The following SSBP2 variants were observed in gnomAD, a reference collection of about 807,000 sequenced individuals.
The protein encoded by SSBP2 is single-stranded DNA-binding protein 2.
In SSBP2, 17 loss-of-function variants were observed where a neutral mutation model predicts 61.8. The observed-to-expected ratio is 0.28, with a 90% confidence interval of 0.19 to 0.41. SSBP2 has a LOEUF of 0.41. Among genes scored for constraint, SSBP2 ranks in the 10% least tolerant of loss-of-function variants. The pLI is 1.00. For missense variants in SSBP2, 310 were observed against 458.7 expected (o/e 0.68, Z 2.96); for synonymous variants, 139 against 141.3 (o/e 0.98, Z 0.12).
At chr5:81,460,468 A>G (rs1462762496) in intron 10 of SSBP2, among the ~76,000 whole-genome samples, 1 of 152,228 alleles carries the variant, frequency 6.6e-6, no homozygotes, top group African/African-American at 2.4e-5. Context: ...TTTCTGTGAC[A>G]TTATTAAGAG....
chr5:81,705,847 G>T (rs536256224), intron 1 of SSBP2, among the ~76,000 whole-genome samples: 32 of 152,296 alleles, frequency 2.1e-4, no homozygotes, highest in African/African-American at 7.2e-4. Context: ...AAAAGCAACA[G>T]ATGCTGGCAA....
chr5:81,530,881 G>T (rs560381988), intron 4 of SSBP2, among the ~76,000 whole-genome samples: 4 of 151,962 alleles, frequency 2.6e-5, no homozygotes, highest in Admixed American at 2.6e-4. Context: ...ATTCAAAAAA[G>T]AATTTTGAGG....
intron 1 of SSBP2, among the ~76,000 whole-genome samples, chr5:81,717,713 C>T (rs1755254328): frequency 6.6e-6 from 1 of 152,070 alleles, no homozygotes; most frequent in Non-Finnish European, 1.5e-5. Context: ...TTCTATTAAC[C>T]TTTTTTGCTG....
At chr5:81,447,892 C>T (rs1763505145) in intron 11 of SSBP2, 1 of 152,054 alleles carries the variant, frequency 6.6e-6, no homozygotes, top group South Asian at 2.1e-4. Context: ...GAAAGACTTG[C>T]TTAGTTTTAT....
At chr5:81,593,242 T>C (rs1205695079) in intron 4 of SSBP2, among the ~76,000 whole-genome samples, 1 of 151,896 alleles carries the variant, frequency 6.6e-6, no homozygotes, top group South Asian at 2.1e-4. Context: ...AGGGTATCAG[T>C]GATGGAAGAC....
At chr5:81,603,460 C>A (rs766350060) in intron 4 of SSBP2, among the ~76,000 whole-genome samples, 4 of 152,192 alleles carry the variant, frequency 2.6e-5, no homozygotes, top group Non-Finnish European at 5.9e-5. Context: ...ATCACTTCCA[C>A]TCCATTCTAT....
chr5:81,553,637 A>G (rs1316719597), intron 4 of SSBP2, among the ~76,000 whole-genome samples: 1 of 152,154 alleles, frequency 6.6e-6, no homozygotes, highest in Non-Finnish European at 1.5e-5. Context: ...CAAAATATAC[A>G]TATTGCTTCA....
At chr5:81,678,079 C>A (rs1197256517) in intron 1 of SSBP2, among the ~76,000 whole-genome samples, 2 of 152,122 alleles carry the variant, frequency 1.3e-5, no homozygotes, top group Non-Finnish European at 2.9e-5. Context: ...GAACCAGGGT[C>A]TGATATGGCA....
At chr5:81,702,138 C>T (rs1213952706) in intron 1 of SSBP2, among the ~76,000 whole-genome samples, 2 of 151,980 alleles carry the variant, frequency 1.3e-5, no homozygotes, top group East Asian at 1.9e-4. Context: ...TTTGGGAGGC[C>T]GAGGCGGGTA....
chr5:81,629,115 T>C (rs2078306918), intron 3 of SSBP2, among the ~76,000 whole-genome samples: 1 of 152,182 alleles, frequency 6.6e-6, no homozygotes, highest in African/African-American at 2.4e-5. Flanking sequence ...GCCTCCCAAG[T>C]AGCTGGGATT....
At chr5:81,613,980 C>G (rs1745724715) in intron 4 of SSBP2, among the ~76,000 whole-genome samples, 1 of 152,194 alleles carries the variant, frequency 6.6e-6, no homozygotes, top group African/African-American at 2.4e-5. Context: ...AGCTATTGTT[C>G]AGTGTGTAAC....
intron 1 of SSBP2, among the ~76,000 whole-genome samples, chr5:81,652,068 G>C (rs1377740253): frequency 2.0e-5 from 3 of 152,072 alleles, no homozygotes; most frequent in Admixed American, 6.6e-5. Flanking sequence ...CCACACCTAA[G>C]TAAAAGGCTG....
intron 1 of SSBP2, among the ~76,000 whole-genome samples, chr5:81,749,268 A>C (rs1342436287): frequency 6.6e-6 from 1 of 152,158 alleles, no homozygotes; most frequent in Non-Finnish European, 1.5e-5. Flanking sequence ...AGCTCAGAAA[A>C]TATCTCTTGC....
chr5:81,496,678 T>C (rs1238704730), intron 5 of SSBP2, among the ~76,000 whole-genome samples: 1 of 152,144 alleles, frequency 6.6e-6, no homozygotes, highest in African/African-American at 2.4e-5. Context: ...AATATGCCTT[T>C]TAGAAACATG....
At chr5:81,421,712 G>GA (rs1209940413) in intron 16 of SSBP2, among the ~76,000 whole-genome samples, 1 of 152,178 alleles carries the variant, frequency 6.6e-6, no homozygotes, top group Non-Finnish European at 1.5e-5. Flanking sequence ...GACTGTGACA[G>GA]AAAAGTTCTA....
At position 81,554,669 on chromosome 5, in the gene SSBP2, GA is replaced by G. The variant is rs201918758; in HGVS notation, c.283-40953del. On this transcript the variant is annotated intron_variant, in intron 4 of 16. Coordinates refer to ENST00000320672, the MANE Select transcript of SSBP2 (RefSeq NM_012446.5). ...TTGACTTATATTTAAAGGACAAATA[GA>G]AAAAGAGGTTTAGAATTGTTATTTG... Among the ~76,000 whole-genome samples the G allele has an allele frequency of 9.1e-3, 1,388 of 152,018 alleles. 24 individuals are homozygous for G. Among genetic ancestry groups the G allele is most frequent in the African/African-American group, 0.032 (1,341 of 41,512 alleles).
At chr5:81,594,006 G>A (rs971130272) in intron 4 of SSBP2, among the ~76,000 whole-genome samples, 13 of 152,164 alleles carry the variant, frequency 8.5e-5, no homozygotes, top group Non-Finnish European at 1.6e-4. Context: ...AACTTTAAAT[G>A]TAAATGGGCT....
intron 5 of SSBP2, among the ~76,000 whole-genome samples, chr5:81,509,323 A>G (rs1260760084): frequency 6.6e-6 from 1 of 152,208 alleles, no homozygotes; most frequent in Admixed American, 6.5e-5. Context: ...TGATACTCCA[A>G]CACAGGTTCT....
chr5:81,709,387 C>T (rs554045214), intron 1 of SSBP2, among the ~76,000 whole-genome samples: 9 of 152,120 alleles, frequency 5.9e-5, no homozygotes, highest in African/African-American at 1.9e-4. Flanking sequence ...TTTACCCCTT[C>T]CCCTTTCCTA....
Sources: allele counts gnomAD v4.1 joint callset (sites outside exome capture counted in the v4.1 genomes callset), GRCh38; gene constraint gnomAD v4.1.1; transcripts MANE v1.5; gene names NCBI Gene and HGNC (gene_info 2026-07-23, HGNC 2026-07-21).